The following LPP variants were observed in gnomAD, a reference collection of about 807,000 sequenced individuals.
The protein encoded by LPP is LIM domain containing preferred translocation partner in lipoma.
A neutral mutation model predicts 60.4 loss-of-function variants in LPP; 38 were observed. The observed-to-expected ratio is 0.63, with a 90% CI of 0.49 to 0.83. The LOEUF (loss-of-function observed/expected upper bound fraction) is 0.83, where lower values mean the gene tolerates loss of function less well. Among genes scored for constraint, LPP ranks in the 40% least tolerant of loss-of-function variants. LPP has a pLI of 0.00. For synonymous variants in LPP, 328 were observed against 290.8 expected (o/e 1.13, Z -1.30); for missense variants, 902 against 783.6 (o/e 1.15, Z -1.80).
chr3:188,768,612 TA>T (rs1271208669), intron 9 of LPP, among the ~76,000 whole-genome samples: 3 of 152,132 alleles, frequency 2.0e-5, no homozygotes, highest in African/African-American at 7.2e-5. Context: ...CAATGCAAAA[TA>T]AGCTCTAAGT....
At chr3:188,207,064 ATTAT>A (rs143245469) in intron 1 of LPP, among the ~76,000 whole-genome samples, 1 of 151,934 alleles carries the variant, frequency 6.6e-6, no homozygotes, top group Non-Finnish European at 1.5e-5. Flanking sequence ...CTCTGCTTTT[ATTAT>A]TTATTTATTT....
intron 9 of LPP, among the ~76,000 whole-genome samples, chr3:188,795,666 A>T (rs1380994618): frequency 6.6e-6 from 1 of 152,104 alleles, no homozygotes; most frequent in Non-Finnish European, 1.5e-5. Context: ...TTTGGTTCAA[A>T]TTTATCTAGT....
chr3:188,475,776 G>A (rs1314472100), intron 4 of LPP, among the ~76,000 whole-genome samples: 5 of 152,100 alleles, frequency 3.3e-5, no homozygotes, highest in Admixed American at 6.5e-5. Flanking sequence ...GGTGGCGGGC[G>A]CCTGTAGTCC....
intron 6 of LPP, among the ~76,000 whole-genome samples, chr3:188,567,788 C>T (rs1226288663): frequency 2.0e-5 from 3 of 151,964 alleles, no homozygotes; most frequent in Non-Finnish European, 4.4e-5. Context: ...TTCCTCTTCT[C>T]ATGCATATCA....
rs576959151 is a variant in LPP at position 188,846,379 on chromosome 3, A to G, written c.1411-19821A>G. On this transcript the variant is annotated intron_variant, in intron 9 of 11. Transcript: ENST00000617246. ...AACATGAAGAGAGGTGCCAAGGGCA[A>G]GAAAGTATAAGATATGTGTAGAGGC... 6.6e-5 allele frequency among the ~76,000 whole-genome samples: 10 copies of G among 152,302 alleles called. No individual in the cohort carries two copies. The South Asian group carries it at 2.1e-3, about 32-fold the overall frequency.
chr3:188,632,344 A>G (rs951266564), intron 7 of LPP, among the ~76,000 whole-genome samples: 1 of 152,176 alleles, frequency 6.6e-6, no homozygotes, highest in Non-Finnish European at 1.5e-5. Context: ...GAAAACCTTT[A>G]TGAGGAAGTA....
chr3:188,680,033 G>T (rs1222379711), intron 7 of LPP, among the ~76,000 whole-genome samples: 1 of 152,156 alleles, frequency 6.6e-6, no homozygotes. Context: ...GTGAATAGGA[G>T]TCAACAAACA....
rs139845370 is a variant in LPP at position 188,623,370 on chromosome 3, G to A, written c.1113+13526G>A. Among the ~76,000 whole-genome samples the A allele has an allele frequency of 4.1e-3, 620 of 150,184 alleles. 7 individuals are homozygous for A. The highest frequency in any genetic ancestry group is 0.014 in the African/African-American group (581 of 40,982). On this transcript the variant is annotated intron_variant, in intron 7 of 11. Coordinates refer to ENST00000617246, the MANE Select transcript of LPP (RefSeq NM_001375462.1). Reference sequence around the variant, plus strand: ...CCTCCCAGGTTCAGGTGATTCTCCCGCCTCAGCCTCCAGAGTAGGTGGGAT... The same window carrying A: ...CCTCCCAGGTTCAGGTGATTCTCCCACCTCAGCCTCCAGAGTAGGTGGGAT...
chr3:188,233,530 C>T (rs1213374469), intron 2 of LPP, among the ~76,000 whole-genome samples: 1 of 151,964 alleles, frequency 6.6e-6, no homozygotes, highest in Non-Finnish European at 1.5e-5. Context: ...AATCTGAGGC[C>T]CTGGCTCATT....
intron 8 of LPP, among the ~76,000 whole-genome samples, chr3:188,723,822 T>C (rs1362136243): frequency 1.3e-5 from 2 of 152,212 alleles, no homozygotes; most frequent in Non-Finnish European, 2.9e-5. Context: ...ATTTGATTCA[T>C]AACTCTTATG....
intron 9 of LPP, among the ~76,000 whole-genome samples, chr3:188,853,929 T>A (rs1763240928): frequency 6.6e-6 from 1 of 152,150 alleles, no homozygotes; most frequent in African/African-American, 2.4e-5. Context: ...TTTTCAGTGC[T>A]TTTTGGCTAA....
intron 9 of LPP, among the ~76,000 whole-genome samples, chr3:188,803,881 T>C (rs1367391519): frequency 6.6e-6 from 1 of 152,184 alleles, no homozygotes; most frequent in African/African-American, 2.4e-5. Context: ...TGAATGTAGG[T>C]GTAAATCTAG....
intron 1 of LPP, among the ~76,000 whole-genome samples, chr3:188,215,388 T>G: frequency 6.6e-6 from 1 of 152,140 alleles, no homozygotes; most frequent in Non-Finnish European, 1.5e-5. Context: ...CAGGCCTCTT[T>G]CATCTTGCAA....
At chr3:188,780,666 CT>C (rs1221886909) in intron 9 of LPP, among the ~76,000 whole-genome samples, 1 of 152,112 alleles carries the variant, frequency 6.6e-6, no homozygotes, top group African/African-American at 2.4e-5. Context: ...GAAAACGTTC[CT>C]CTTCTCTACC....
At chr3:188,285,930 C>A (rs943206936) in intron 2 of LPP, among the ~76,000 whole-genome samples, 1 of 152,150 alleles carries the variant, frequency 6.6e-6, no homozygotes, top group Non-Finnish European at 1.5e-5. Context: ...ATGGGAAGAC[C>A]CTTTGTAAGC....
At chr3:188,725,745 A>G (rs930772563) in intron 8 of LPP, among the ~76,000 whole-genome samples, 2 of 152,214 alleles carry the variant, frequency 1.3e-5, no homozygotes. Flanking sequence ...AAATAGCTCA[A>G]TTCCAATATG....
chr3:188,536,002 A>ATTTTTTTTTTTTTTTTTTTTTTTTTTTT (rs11293389), intron 6 of LPP, among the ~76,000 whole-genome samples: 1 of 121,762 alleles, frequency 8.2e-6, no homozygotes, highest in Non-Finnish European at 1.7e-5. Flanking sequence ...TATTACATGA[A>ATTTTTTTTTTTTTTTTTTTTTTTTTTTT]TTTTTTTTTT....
chr3:188,325,304 A>G (rs1758112739), intron 2 of LPP, among the ~76,000 whole-genome samples: 1 of 151,984 alleles, frequency 6.6e-6, no homozygotes, highest in Admixed American at 6.6e-5. Flanking sequence ...CATACCACTC[A>G]TCACTTTACA....
In LPP at chr3:188,760,099, C is replaced by A. The variant is rs766656340; in HGVS notation, c.1241-14C>A. 1 of 1,613,276 alleles carries A rather than the reference C, an allele frequency of 6.2e-7. No individual in the cohort carries two copies. Among genetic ancestry groups the A allele is most frequent in the East Asian group, 2.2e-5 (1 of 44,862 alleles). Reference sequence around the variant, plus strand: ...ACTCCTTGGTGTGTTCTTATCAAACCCTTTTTTTTCCAGGCCGCTGTGCTC... The same window carrying A: ...ACTCCTTGGTGTGTTCTTATCAAACACTTTTTTTTCCAGGCCGCTGTGCTC... On this transcript the variant is annotated splice_polypyrimidine_tract_variant and intron_variant, in intron 8 of 11. Transcript: ENST00000617246.
Sources: gnomAD v4.1 joint callset for allele counts (sites outside exome capture counted in the v4.1 genomes callset) on GRCh38, gnomAD v4.1.1 for gene constraint, MANE v1.5 for transcripts, NCBI Gene and HGNC (gene_info 2026-07-23, HGNC 2026-07-21) for gene names.